SLC5A6: variants seen among roughly 807,000 people sequenced by gnomAD.
SLC5A6 encodes the protein solute carrier family 5 member 6.
A neutral mutation model predicts 67.9 loss-of-function variants in SLC5A6; 31 were observed. That is an observed-to-expected ratio of 0.46 (90% confidence interval 0.34 to 0.62). The LOEUF is 0.62. Among genes scored for constraint, SLC5A6 ranks in the 20% least tolerant of loss-of-function variants. SLC5A6 has a pLI of 0.01. For missense variants in SLC5A6, 673 were observed against 812.8 expected (o/e 0.83, Z 2.09); for synonymous variants, 343 against 331.0 (o/e 1.04, Z -0.39).
Position 27,205,027 on chromosome 2 carries a change from C to T in SLC5A6, c.735-96G>A, listed in dbSNP as rs902162878. 18 of 1,464,402 alleles carry T rather than the reference C, an allele frequency of 1.2e-5. No individual in the cohort carries two copies. The South Asian group carries it at 2.0e-4, about 16-fold the overall frequency. The allele number at this position is 1,464,402 out of a possible 1,614,324, so 90.7% of individuals were successfully genotyped here. ...GAGTCAGTGGACAGGAAAGGAGAGA[C>T]ACCACTGCTAGGGCCAAGGGGGACA... On this transcript the variant is annotated intron_variant, in intron 7 of 16. Coordinates refer to ENST00000310574, the MANE Select transcript of SLC5A6 (RefSeq NM_021095.4).
intron 12 of SLC5A6, among the ~76,000 whole-genome samples, 159 bp from the exon 13 acceptor site, chr2:27,202,233 G>A (rs931263556): frequency 6.6e-6 from 1 of 152,134 alleles, no homozygotes; most frequent in African/African-American, 2.4e-5. Flanking sequence ...GCCGAGCGGT[G>A]GCTCATGCCT....
At chr2:27,202,199 G>T in intron 12 of SLC5A6, 125 bp from the exon 13 acceptor site, 1 of 750,522 alleles carries the variant, frequency 1.3e-6, no homozygotes, top group Middle Eastern at 3.1e-4. Flanking sequence ...CTCTTCTGTG[G>T]GAACAATCAG....
chr2:27,206,021 C>T lies in SLC5A6; in HGVS notation c.579+5G>A. On this transcript the variant is annotated splice_donor_5th_base_variant and intron_variant, in intron 6 of 16. Transcript: ENST00000310574. ...CCTCCCCACACCACGGCTTACTGCACTTACCAGAGCTGTATAGACGGTACA... is the reference window on the plus strand; with the variant it reads ...CCTCCCCACACCACGGCTTACTGCATTTACCAGAGCTGTATAGACGGTACA... 2.5e-6 allele frequency: 4 copies of T among 1,612,180 alleles called. No individual in the cohort carries two copies. The highest frequency in any genetic ancestry group is 1.1e-5 in the South Asian group (1 of 91,004).
Position 27,207,062 on chromosome 2 carries a change from C to G in SLC5A6, c.394-120G>C. 9.7e-7 allele frequency: 1 copy of G among 1,029,398 alleles called. No individual in the cohort carries two copies. Among genetic ancestry groups the G allele is most frequent in the East Asian group, 2.4e-5 (1 of 42,208 alleles). The allele number at this position is 1,029,398 out of a possible 1,614,324, so 63.8% of individuals were successfully genotyped here. On this transcript the variant is annotated intron_variant, in intron 3 of 16. Coordinates refer to ENST00000310574, the MANE Select transcript of SLC5A6 (RefSeq NM_021095.4). This position sits in a 1 kb window ranked among gnomAD's most constrained non-coding sequence, Gnocchi z 5.5. ...CAACCCATACCCACTCTGAGTCCTA[C>G]TCGGCATAGCACCCTCCTCTCCAAT...
chr2:27,205,404 C>G lies in SLC5A6; in HGVS notation c.680G>C (p.Gly227Ala). 6.2e-6 allele frequency: 10 copies of G among 1,614,204 alleles called. No homozygotes were observed. The highest frequency in any genetic ancestry group is 8.5e-6 in the Non-Finnish European group (10 of 1,180,028). The change falls in exon 7 of 17, where the codon GGC (glycine) becomes GCC (alanine). Residue 227 changes from glycine (G) to alanine (A), a missense_variant. Gly to Ala is a moderately conservative substitution (Grantham distance 60, BLOSUM62 0). Transcript: ENST00000310574. ...VIIVGSAKVG[G>A]LGRVWAVASQ... ...AGCCACGGCCCACACACGCCCCAAG[C>G]CGCCCACCTTGGCTGACCCCACAAT...
At chr2:27,208,240 G>A (rs771487505) in intron 2 of SLC5A6, among the ~76,000 whole-genome samples, 12 of 152,092 alleles carry the variant, frequency 7.9e-5, no homozygotes, top group Non-Finnish European at 1.5e-4. Flanking sequence ...CCCTGGCCTC[G>A]GCCCTCGCCT....
At chr2:27,205,088 C>T in intron 7 of SLC5A6, 157 bp from the exon 8 acceptor site, 1 of 837,892 alleles carries the variant, frequency 1.2e-6, no homozygotes, top group Non-Finnish European at 1.9e-6. Context: ...CGAGAGACAG[C>T]ACAGCCAGTT....
chr2:27,200,266 G>C lies in SLC5A6; in HGVS notation c.*170C>G. On this transcript the variant is annotated 3_prime_UTR_variant, in exon 17 of 17. Transcript: ENST00000310574. ...AAACGGTGCCTCACATGCTTGAGAT[G>C]TGACAGCTTCTCCTGCAGGCAAGAA... The C allele has an allele frequency of 1.8e-6, 1 of 553,060 alleles. No homozygotes were observed. The highest frequency in any genetic ancestry group is 3.0e-6 in the Non-Finnish European group (1 of 332,820). 34.3% of individuals were successfully genotyped at this position (553,060 alleles called of 1,614,324 possible). A position where few individuals can be genotyped will look rare whatever the true frequency, so the allele number is the denominator to read the frequency against.
chr2:27,206,988 A>G, intron 3 of SLC5A6, 46 bp from the exon 4 acceptor site: 1 of 1,477,792 alleles, frequency 6.8e-7, no homozygotes, highest in Non-Finnish European at 9.5e-7. Context: ...TCACCCCGAC[A>G]ACTCACAGAC....
intron 15 of SLC5A6, 54 bp from the exon 16 acceptor site, chr2:27,201,167 C>T: frequency 1.5e-6 from 2 of 1,376,564 alleles, no homozygotes; most frequent in Admixed American, 1.8e-5. Flanking sequence ...CAGCAGCGGG[C>T]CCCATGTCCT....
chr2:27,207,286 T>C lies in SLC5A6; in HGVS notation c.365A>G (p.Tyr122Cys). The C allele has an allele frequency of 6.2e-7, 1 of 1,613,872 alleles. No homozygotes were observed. The highest frequency in any genetic ancestry group is 1.1e-5 in the South Asian group (1 of 91,072). ...IPAHIFIPVF[Y>C]RLHLTSAYEY... ...ATAGGCACTGGTGAGATGCAGGCGG[T>C]AGAAAACGGGGATGAAGATGTGTGC... Residue 122 changes from tyrosine (Y) to cysteine (C), a missense_variant, in exon 3 of 17, where the codon TAC becomes TGC. Tyr to Cys is a radical substitution (Grantham distance 194, BLOSUM62 -2). Coordinates refer to ENST00000310574, the MANE Select transcript of SLC5A6 (RefSeq NM_021095.4). This position sits in a 1 kb window ranked among gnomAD's most constrained non-coding sequence, Gnocchi z 5.5.
chr2:27,212,578 C>A (rs1304696945), upstream of SLC5A6: 9 of 1,467,426 alleles, frequency 6.1e-6, no homozygotes, highest in South Asian at 2.7e-5. Flanking sequence ...CTGATTTCGT[C>A]CCTGACGCTT....
In SLC5A6 at chr2:27,200,465, T is replaced by G. The variant is rs1392209868; in HGVS notation, c.1879A>C (p.Thr627Pro). Residue 627 changes from threonine to proline, a missense_variant, in exon 17 of 17, where the codon ACC (threonine) becomes CCC (proline). Coordinates refer to ENST00000310574, the MANE Select transcript of SLC5A6 (RefSeq NM_021095.4). ...AGGGAGGTCTCCTGGAGGATGCAGG[T>G]GGAGCTGCTCCCCTGATAGGCTGTG... ...DGTAYQGSSS[T>P]CILQETSL 1.2e-6 allele frequency: 2 copies of G among 1,613,372 alleles called. No homozygotes were observed. Among genetic ancestry groups the G allele is most frequent in the African/African-American group, 2.7e-5 (2 of 74,834 alleles).
At chr2:27,204,247 G>T (rs1558507046) in intron 9 of SLC5A6, among the ~76,000 whole-genome samples, 1 of 152,114 alleles carries the variant, frequency 6.6e-6, no homozygotes, top group Non-Finnish European at 1.5e-5. Context: ...GTAAGGGTAG[G>T]TCCTCACCCC....
intron 5 of SLC5A6, 87 bp downstream of exon 5, chr2:27,206,396 T>G: frequency 7.8e-7 from 1 of 1,289,794 alleles, no homozygotes; most frequent in South Asian, 1.2e-5. Context: ...TCAGGTTCTT[T>G]TCCACATACG....
rs527855005 is a variant in SLC5A6 at position 27,202,597 on chromosome 2, A to C, written c.1275+216T>G. On this transcript the variant is annotated intron_variant, in intron 12 of 16. Coordinates refer to ENST00000310574, the MANE Select transcript of SLC5A6 (RefSeq NM_021095.4). ...ATGTGTTTTGAGTTCTCTGAGGCTGATCCTTAGCTCTCTCTCAGCCTACAA... is the reference window on the plus strand; with the variant it reads ...ATGTGTTTTGAGTTCTCTGAGGCTGCTCCTTAGCTCTCTCTCAGCCTACAA... Among the ~76,000 whole-genome samples, 17 of 148,528 alleles carry C rather than the reference A, an allele frequency of 1.1e-4. No homozygotes were observed. In the South Asian group the frequency reaches 3.8e-3, roughly 33 times the overall value.
chr2:27,206,618 CCCATGGCTTCCCCTCA>C (rs1436459006), intron 4 of SLC5A6, 84 bp from the exon 5 acceptor site: 39 of 1,269,604 alleles, frequency 3.1e-5, no homozygotes, highest in Non-Finnish European at 4.1e-5. Flanking sequence ...CGCCAATATG[CCCATGGCTTCCCCTCA>C]CCTAGGCTCA....
At chr2:27,212,372 G>C (rs200120344), upstream of SLC5A6, 317 of 1,550,412 alleles carry the variant, frequency 2.0e-4, 1 homozygote, top group Non-Finnish European at 2.7e-4. Context: ...ACGGAAAATG[G>C]CGCCTCACGA....
chr2:27,205,240 A>C (rs1572391299), intron 7 of SLC5A6, 110 bp downstream of exon 7: 1 of 1,104,810 alleles, frequency 9.1e-7, no homozygotes, highest in Non-Finnish European at 1.3e-6. Context: ...CTGCTGTTAC[A>C]CCTCAGGCTT....
Sources: allele counts gnomAD v4.1 joint callset (sites outside exome capture counted in the v4.1 genomes callset), GRCh38; gene constraint gnomAD v4.1.1; non-coding constraint Gnocchi (gnomAD v3.1); transcripts MANE v1.5; gene names NCBI Gene and HGNC (gene_info 2026-07-23, HGNC 2026-07-21).